The following SPMIP2 variants were observed in gnomAD, a reference collection of about 807,000 sequenced individuals.
SPMIP2 encodes the protein protein SPMIP2.
the SPMIP2 span, among the ~76,000 whole-genome samples, chr4:159,065,891 T>C: frequency 3.3e-5 from 5 of 152,206 alleles, no homozygotes; most frequent in Non-Finnish European, 7.4e-5. Flanking sequence ...GTTAAGGTTA[T>C]GAGAAGTTAA....
chr4:158,973,762 G>C, the SPMIP2 span, among the ~76,000 whole-genome samples: 1 of 152,080 alleles, frequency 6.6e-6, no homozygotes, highest in Non-Finnish European at 1.5e-5. Context: ...GCCAAGGTGG[G>C]TGCATCGCTT....
the SPMIP2 span, among the ~76,000 whole-genome samples, chr4:159,014,331 T>C: frequency 7.3e-6 from 1 of 136,342 alleles, no homozygotes; most frequent in African/African-American, 2.6e-5. Flanking sequence ...CTGGCGCCTA[T>C]AGTCTCAGCT....
chr4:158,898,225 G>A, the SPMIP2 span, among the ~76,000 whole-genome samples: 6 of 152,322 alleles, frequency 3.9e-5, no homozygotes, highest in African/African-American at 1.4e-4. Context: ...ATACCGTGCT[G>A]TTTTGGTTAC....
chr4:158,927,749 A>T, the SPMIP2 span, among the ~76,000 whole-genome samples: 1 of 152,246 alleles, frequency 6.6e-6, no homozygotes. Flanking sequence ...CTTGCAGGCC[A>T]GCTGGAGTTC....
chr4:158,972,302 C>T, the SPMIP2 span, among the ~76,000 whole-genome samples: 1 of 152,200 alleles, frequency 6.6e-6, no homozygotes, highest in Non-Finnish European at 1.5e-5. Flanking sequence ...GCCGAGGTTA[C>T]AGCGAGTCAA....
At chr4:159,061,830 AG>A in the SPMIP2 span, among the ~76,000 whole-genome samples, 3 of 150,014 alleles carry the variant, frequency 2.0e-5, no homozygotes, top group Admixed American at 6.6e-5. Context: ...AAAAAAAAAA[AG>A]ATAGAGCTGA....
the SPMIP2 span, among the ~76,000 whole-genome samples, chr4:158,911,383 T>TAAATAAATAAATAAATAAATAAAA: frequency 1.3e-5 from 1 of 76,324 alleles, no homozygotes; most frequent in Non-Finnish European, 2.6e-5. Flanking sequence ...AATAAATAAA[T>TAAATAAATAAATAAATAAATAAAA]AAAATAAATA....
At chr4:158,960,096 C>T in the SPMIP2 span, among the ~76,000 whole-genome samples, 1 of 151,942 alleles carries the variant, frequency 6.6e-6, no homozygotes, top group Non-Finnish European at 1.5e-5. Flanking sequence ...CTTTTCTCCC[C>T]TTAATTAAAA....
the SPMIP2 span, among the ~76,000 whole-genome samples, chr4:159,032,249 G>A: frequency 1.3e-5 from 2 of 152,114 alleles, no homozygotes; most frequent in East Asian, 3.9e-4. Context: ...CTTTAAATAC[G>A]TATACATTGT....
chr4:158,940,232 T>C, the SPMIP2 span, among the ~76,000 whole-genome samples: 2 of 152,324 alleles, frequency 1.3e-5, no homozygotes, highest in South Asian at 4.1e-4. Context: ...AAATTTCCTT[T>C]TCTTATGATC....
the SPMIP2 span, among the ~76,000 whole-genome samples, chr4:158,917,685 T>C: frequency 1.5e-4 from 23 of 151,324 alleles, no homozygotes; most frequent in East Asian, 1.2e-3. Context: ...GTTCCTGTCA[T>C]GAAGCAATTT....
At chr4:158,945,605 T>C in the SPMIP2 span, among the ~76,000 whole-genome samples, 3 of 152,172 alleles carry the variant, frequency 2.0e-5, no homozygotes, top group Non-Finnish European at 4.4e-5. Flanking sequence ...CTCTTGATGG[T>C]TTATAGTCAT....
the SPMIP2 span, among the ~76,000 whole-genome samples, chr4:158,977,019 G>A: frequency 0.011 from 1,728 of 152,178 alleles, 25 homozygotes; most frequent in African/African-American, 0.04. Flanking sequence ...GAAGATTTTT[G>A]CACTGATGTT....
the SPMIP2 span, among the ~76,000 whole-genome samples, chr4:158,921,264 C>A: frequency 2.6e-5 from 4 of 152,120 alleles, no homozygotes; most frequent in African/African-American, 4.8e-5. Flanking sequence ...TATGGTGAAA[C>A]CCCGTCTCTA....
At chr4:159,011,753 C>A in the SPMIP2 span, among the ~76,000 whole-genome samples, 10 of 129,636 alleles carry the variant, frequency 7.7e-5, no homozygotes, top group African/African-American at 1.4e-4. Context: ...AAACTCCATC[C>A]CAAAAAAAAA....
chr4:158,989,585 C>A, the SPMIP2 span, among the ~76,000 whole-genome samples: 1 of 152,180 alleles, frequency 6.6e-6, no homozygotes, highest in Admixed American at 6.5e-5. Flanking sequence ...CATACACCTA[C>A]AACCATCTGA....
the SPMIP2 span, among the ~76,000 whole-genome samples, chr4:159,034,109 T>G: frequency 6.6e-6 from 1 of 152,218 alleles, no homozygotes; most frequent in Non-Finnish European, 1.5e-5. Flanking sequence ...TGCACCCTAG[T>G]CTGGGCAACA....
the SPMIP2 span, among the ~76,000 whole-genome samples, chr4:158,978,272 T>C: frequency 1.3e-5 from 2 of 152,256 alleles, no homozygotes; most frequent in Non-Finnish European, 2.9e-5. Context: ...GATTGCACTG[T>C]GGTCTGAGAG....
the SPMIP2 span, among the ~76,000 whole-genome samples, chr4:159,040,120 T>TA: frequency 4.0e-4 from 61 of 151,378 alleles, no homozygotes; most frequent in Non-Finnish European, 7.8e-4. Context: ...GTATAGTACT[T>TA]AAATATATAT....
Sources: gnomAD v4.1 joint callset for allele counts (sites outside exome capture counted in the v4.1 genomes callset) on GRCh38, gnomAD v4.1.1 for gene constraint, MANE v1.5 for transcripts, NCBI Gene and HGNC (gene_info 2026-07-23, HGNC 2026-07-21) for gene names.